The following ZCCHC7 variants were observed in gnomAD, a reference collection of about 807,000 sequenced individuals.
ZCCHC7 encodes zinc finger CCHC domain-containing protein 7.
In ZCCHC7, 35 loss-of-function variants were observed where a neutral mutation model predicts 52.0. That is an observed-to-expected ratio of 0.67 (90% confidence interval 0.51 to 0.89). The LOEUF (loss-of-function observed/expected upper bound fraction) is 0.89, where lower values mean the gene tolerates loss of function less well. Ranked by LOEUF, ZCCHC7 falls within the 40% of genes least tolerant of loss-of-function variation. ZCCHC7 has a pLI of 0.00. For missense variants in ZCCHC7, 574 were observed against 649.1 expected (o/e 0.88, Z 1.26); for synonymous variants, 217 against 221.5 (o/e 0.98, Z 0.18).
intron 2 of ZCCHC7, among the ~76,000 whole-genome samples, chr9:37,133,594 T>G (rs1252229306): frequency 2.0e-5 from 3 of 152,126 alleles, no homozygotes; most frequent in Non-Finnish European, 4.4e-5. Context: ...TTTAAAATTT[T>G]TATTTATTTT....
chr9:37,154,740 C>T (rs1820718387), intron 2 of ZCCHC7, among the ~76,000 whole-genome samples: 2 of 152,068 alleles, frequency 1.3e-5, no homozygotes, highest in South Asian at 4.1e-4. Context: ...AGCCATCTAT[C>T]TGCCTCTGCC....
intron 2 of ZCCHC7, among the ~76,000 whole-genome samples, chr9:37,219,066 T>TA (rs1824677001): frequency 6.7e-6 from 1 of 150,302 alleles, no homozygotes; most frequent in Non-Finnish European, 1.5e-5. Context: ...CCATCCCCCC[T>TA]AAAAAAGAAA....
At chr9:37,260,387 A>G (rs574209581) in intron 2 of ZCCHC7, among the ~76,000 whole-genome samples, 3 of 152,316 alleles carry the variant, frequency 2.0e-5, no homozygotes, top group East Asian at 3.9e-4. Flanking sequence ...TGCTTAGTGC[A>G]TATGCTGACA....
chr9:37,193,502 T>C (rs986135340), intron 2 of ZCCHC7, among the ~76,000 whole-genome samples: 1 of 152,174 alleles, frequency 6.6e-6, no homozygotes, highest in African/African-American at 2.4e-5. Flanking sequence ...AAACATTCTT[T>C]AAAATTGTTA....
At chr9:37,244,689 A>G (rs1188709806) in intron 2 of ZCCHC7, among the ~76,000 whole-genome samples, 1 of 151,816 alleles carries the variant, frequency 6.6e-6, no homozygotes, top group African/African-American at 2.4e-5. Context: ...AGAAGTGGTA[A>G]ATGTTTTGCA....
intron 5 of ZCCHC7, among the ~76,000 whole-genome samples, chr9:37,324,744 G>C (rs912453040): frequency 1.3e-5 from 2 of 152,122 alleles, no homozygotes; most frequent in Non-Finnish European, 2.9e-5. Context: ...GCAGGGCTGC[G>C]TTCAAGGGCT....
chr9:37,153,159 T>TG (rs572151272), intron 2 of ZCCHC7, among the ~76,000 whole-genome samples: 3 of 151,728 alleles, frequency 2.0e-5, no homozygotes, highest in South Asian at 2.1e-4. Context: ...TTACTATTAT[T>TG]ATTGATTGAT....
At chr9:37,159,416 C>T (rs1012515859) in intron 2 of ZCCHC7, among the ~76,000 whole-genome samples, 12 of 151,838 alleles carry the variant, frequency 7.9e-5, no homozygotes, top group African/African-American at 2.9e-4. Context: ...TATAAGAAGC[C>T]AGTTTAGTGG....
At chr9:37,272,035 T>C (rs1827441204) in intron 2 of ZCCHC7, among the ~76,000 whole-genome samples, 1 of 152,232 alleles carries the variant, frequency 6.6e-6, no homozygotes, top group Admixed American at 6.5e-5. Context: ...TTTATTATAC[T>C]ATTTTTTCAA....
chr9:37,146,931 A>G (rs755537707), intron 2 of ZCCHC7, among the ~76,000 whole-genome samples: 1 of 151,908 alleles, frequency 6.6e-6, no homozygotes, highest in Non-Finnish European at 1.5e-5. Flanking sequence ...ATAGGGAATA[A>G]CATCAACTAT....
chr9:37,279,926 G>A (rs1268613778), intron 2 of ZCCHC7, among the ~76,000 whole-genome samples: 1 of 151,918 alleles, frequency 6.6e-6, no homozygotes, highest in South Asian at 2.1e-4. Flanking sequence ...AGGCCGAGGC[G>A]GGCGGATCAC....
chr9:37,196,502 T>C (rs1424124365), intron 2 of ZCCHC7, among the ~76,000 whole-genome samples: 1 of 152,236 alleles, frequency 6.6e-6, no homozygotes, highest in African/African-American at 2.4e-5. Flanking sequence ...GCATTATTTT[T>C]AGTGGTGCAG....
At chr9:37,308,935 C>G (rs932859576) in intron 5 of ZCCHC7, among the ~76,000 whole-genome samples, 45 of 145,734 alleles carry the variant, frequency 3.1e-4, no homozygotes, top group African/African-American at 1.1e-3. Context: ...GAGCCAAGAT[C>G]ATGCCACTGC....
intron 2 of ZCCHC7, chr9:37,284,244 T>C (rs943190333): frequency 4.6e-5 from 7 of 152,118 alleles, no homozygotes; most frequent in South Asian, 2.1e-4. Context: ...CCATGAGCCA[T>C]TGAGTTTTGT....
chr9:37,151,084 C>T (rs1820494781), intron 2 of ZCCHC7, among the ~76,000 whole-genome samples: 1 of 151,618 alleles, frequency 6.6e-6, no homozygotes, highest in African/African-American at 2.4e-5. Context: ...CCTGCCTAAG[C>T]CTCCCGAGTA....
intron 6 of ZCCHC7, among the ~76,000 whole-genome samples, chr9:37,329,294 G>T (rs1328854139): frequency 6.6e-6 from 1 of 151,546 alleles, no homozygotes; most frequent in East Asian, 1.9e-4. Context: ...TAGTTAAAGG[G>T]TAAAAATTTG....
chr9:37,170,548 G>T (rs939215047), intron 2 of ZCCHC7, among the ~76,000 whole-genome samples: 6 of 152,154 alleles, frequency 3.9e-5, no homozygotes, highest in African/African-American at 7.2e-5. Flanking sequence ...GGACTGGTAC[G>T]CATTTTTGTT....
intron 2 of ZCCHC7, among the ~76,000 whole-genome samples, chr9:37,228,955 C>A (rs920154663): frequency 2.0e-5 from 3 of 150,800 alleles, no homozygotes; most frequent in African/African-American, 7.3e-5. Flanking sequence ...CCTGCCTCAG[C>A]CTCTCGAGTA....
chr9:37,224,886 G>T (rs1251629960), intron 2 of ZCCHC7, among the ~76,000 whole-genome samples: 1 of 152,188 alleles, frequency 6.6e-6, no homozygotes, highest in African/African-American at 2.4e-5. Context: ...AAAGGAGCAG[G>T]TGTAGCGATC....
Sources: allele counts gnomAD v4.1 joint callset (sites outside exome capture counted in the v4.1 genomes callset), GRCh38; gene constraint gnomAD v4.1.1; transcripts MANE v1.5; gene names NCBI Gene and HGNC (gene_info 2026-07-23, HGNC 2026-07-21).